Variants in SESN1 observed in about 807,000 individuals in gnomAD.
SESN1 encodes sestrin 1, also known as sestrin-1.
In SESN1, 30 loss-of-function variants were observed where a neutral mutation model predicts 59.3. That is an observed-to-expected ratio of 0.51 (90% CI 0.38 to 0.69). SESN1 has a LOEUF of 0.69. Ranked by LOEUF, SESN1 falls within the 30% of genes least tolerant of loss-of-function variation. The pLI is 0.00. For synonymous variants in SESN1, 197 were observed against 219.9 expected (o/e 0.90, Z 0.92); for missense variants, 566 against 673.0 (o/e 0.84, Z 1.76).
intron 1 of SESN1, among the ~76,000 whole-genome samples, chr6:109,016,296 T>G (rs1385944187): frequency 5.9e-5 from 9 of 152,338 alleles, no homozygotes. Flanking sequence ...TCCCTATCCA[T>G]GCCTCCCCAC....
chr6:109,065,635 C>T (rs1432570208), intron 1 of SESN1, among the ~76,000 whole-genome samples: 1 of 151,764 alleles, frequency 6.6e-6, no homozygotes, highest in Admixed American at 6.6e-5. Flanking sequence ...GTAATAAGGA[C>T]GAGGTTGCAG....
intron 1 of SESN1, among the ~76,000 whole-genome samples, chr6:109,075,719 G>A (rs1781020932): frequency 6.6e-6 from 1 of 152,200 alleles, no homozygotes; most frequent in South Asian, 2.1e-4. Context: ...CTGAAACAGG[G>A]ATCCCAGCTA....
intron 9 of SESN1, 44 bp from the exon 10 acceptor site, chr6:108,987,674 T>G (rs779649891): frequency 3.7e-6 from 4 of 1,070,564 alleles, no homozygotes; most frequent in Non-Finnish European, 5.7e-6. Context: ...GTTACAAGCA[T>G]TCACAATCAG....
chr6:109,002,923 C>G (rs531281995), intron 1 of SESN1, among the ~76,000 whole-genome samples: 2 of 152,008 alleles, frequency 1.3e-5, no homozygotes, highest in Non-Finnish European at 2.9e-5. Context: ...TGTAAGTTTG[C>G]CTTAAATTAA....
intron 1 of SESN1, among the ~76,000 whole-genome samples, chr6:109,083,994 A>C (rs1471658887): frequency 6.6e-6 from 1 of 152,232 alleles, no homozygotes; most frequent in Non-Finnish European, 1.5e-5. Context: ...GTAAATGCTC[A>C]CTTTTAGTAA....
chr6:109,055,051 A>G (rs962356132), intron 1 of SESN1, among the ~76,000 whole-genome samples: 11 of 152,154 alleles, frequency 7.2e-5, no homozygotes, highest in Admixed American at 6.5e-4. Flanking sequence ...TCCAAAACAT[A>G]TGGATACATT....
chr6:109,045,591 C>T (rs1375468991), intron 1 of SESN1, among the ~76,000 whole-genome samples: 1 of 152,166 alleles, frequency 6.6e-6, no homozygotes, highest in African/African-American at 2.4e-5. Flanking sequence ...ACCAGAGCAC[C>T]TTATCTCTCA....
intron 1 of SESN1, among the ~76,000 whole-genome samples, chr6:109,043,783 A>T (rs1387746805): frequency 1.3e-5 from 2 of 152,222 alleles, no homozygotes; most frequent in African/African-American, 4.8e-5. Flanking sequence ...CCCATCTGTA[A>T]GTTCAACATT....
chr6:108,988,389 C>T (rs953350805), intron 9 of SESN1, 154 bp downstream of exon 9: 1 of 573,390 alleles, frequency 1.7e-6, no homozygotes, highest in Non-Finnish European at 2.9e-6. Context: ...TAATCAGGTT[C>T]CCTTCTGAAG....
chr6:109,069,234 T>G (rs914180247), intron 1 of SESN1, among the ~76,000 whole-genome samples: 1 of 152,056 alleles, frequency 6.6e-6, no homozygotes, highest in Non-Finnish European at 1.5e-5. Flanking sequence ...TCCATACTAT[T>G]TTTTGAACTA....
rs558549552 is a variant in SESN1 at position 109,002,469 on chromosome 6, G to A, written c.280-126C>T. The A allele has an allele frequency of 4.3e-6, 3 of 694,386 alleles. No homozygotes were observed. In the South Asian group the frequency reaches 4.9e-5, roughly 11 times the overall value. 43.0% of individuals were successfully genotyped at this position (694,386 alleles called of 1,614,324 possible). On this transcript the variant is annotated intron_variant, in intron 1 of 9. Transcript: ENST00000436639. The stretch of plus-strand genomic sequence containing the variant: ...GCTTGTTTTGATGGTTTGTTTTCAT[G>A]GCTGTATATACATACCAACTCTTCT...
At chr6:109,001,523 G>C (rs1049071573) in intron 2 of SESN1, 35 bp from the exon 3 acceptor site, 3 of 1,577,894 alleles carry the variant, frequency 1.9e-6, no homozygotes, top group Middle Eastern at 3.3e-4. Context: ...TTACTGAAAT[G>C]GTAAATTGGT....
At chr6:109,038,730 A>G (rs1267687497) in intron 1 of SESN1, among the ~76,000 whole-genome samples, 3 of 152,236 alleles carry the variant, frequency 2.0e-5, no homozygotes, top group Admixed American at 2.0e-4. Context: ...ATTTTTAATA[A>G]GCAAGAATAG....
chr6:109,077,918 T>C (rs935871206), intron 1 of SESN1, among the ~76,000 whole-genome samples: 1 of 152,156 alleles, frequency 6.6e-6, no homozygotes, highest in Non-Finnish European at 1.5e-5. Flanking sequence ...ATTTTTTTAA[T>C]TCATTAAACA....
chr6:109,026,931 C>A (rs1468942313), intron 1 of SESN1, among the ~76,000 whole-genome samples: 1 of 152,010 alleles, frequency 6.6e-6, no homozygotes, highest in Non-Finnish European at 1.5e-5. Flanking sequence ...CCCAGCACTT[C>A]AGGAGCCCAG....
chr6:109,094,503 TTC>T lies in SESN1; in HGVS notation c.-432_-431del, dbSNP rs1001856049. 6.4e-6 allele frequency: 1 copy of T among 157,130 alleles called. No homozygotes were observed. Among genetic ancestry groups the T allele is most frequent in the African/African-American group, 2.4e-5 (1 of 41,528 alleles). 9.7% of individuals were successfully genotyped at this position (157,130 alleles called of 1,614,324 possible). Reference sequence around the variant, plus strand: ...CTTTTTTGTCTGTGCAGCCACCGGGTTCTCTCCGGCGTTCCCACCCCGCCCCT... The same window carrying T: ...CTTTTTTGTCTGTGCAGCCACCGGGTTCTCCGGCGTTCCCACCCCGCCCCT... On this transcript the variant is annotated 5_prime_UTR_variant, in exon 1 of 10. Coordinates refer to ENST00000436639, the MANE Select transcript of SESN1 (RefSeq NM_014454.3).
At chr6:109,051,583 G>C (rs1780543144) in intron 1 of SESN1, among the ~76,000 whole-genome samples, 1 of 152,168 alleles carries the variant, frequency 6.6e-6, no homozygotes, top group Non-Finnish European at 1.5e-5. Context: ...GAATTACAAA[G>C]AGTTTAGAAA....
chr6:108,989,542 TATCTCTAGATCTAG>T (rs1254130503), intron 8 of SESN1, among the ~76,000 whole-genome samples: 2 of 104,120 alleles, frequency 1.9e-5, no homozygotes, highest in Non-Finnish European at 4.0e-5. Context: ...GAGATAGAGA[TATCTCTAGATCTAG>T]ATCTCTAGAT....
chr6:109,054,619 A>G (rs970461886), intron 1 of SESN1, among the ~76,000 whole-genome samples: 1 of 152,204 alleles, frequency 6.6e-6, no homozygotes, highest in Non-Finnish European at 1.5e-5. Context: ...AAAAAAAATA[A>G]TAGTCTCTCA....
Sources: gnomAD v4.1 joint callset for allele counts (sites outside exome capture counted in the v4.1 genomes callset) on GRCh38, gnomAD v4.1.1 for gene constraint, MANE v1.5 for transcripts, NCBI Gene and HGNC (gene_info 2026-07-23, HGNC 2026-07-21) for gene names.